Variants in MTURN observed in about 807,000 individuals in gnomAD.
The protein encoded by MTURN is maturin, neural progenitor differentiation regulator homolog, also known as maturin.
Under a neutral mutation model 14.9 loss-of-function variants are expected in MTURN, and 7 were observed. That is an observed-to-expected ratio of 0.47 (90% CI 0.27 to 0.88). The LOEUF is 0.88. Ranked by LOEUF, MTURN falls within the 40% of genes least tolerant of loss-of-function variation. The probability of loss-of-function intolerance (pLI) is 0.14; values close to 1 mark genes in which losing one functional copy is unlikely to be tolerated. For synonymous variants in MTURN, 69 were observed against 72.5 expected (o/e 0.95, Z 0.25); for missense variants, 151 against 174.1 (o/e 0.87, Z 0.75).
At position 30,135,127 on chromosome 7, in the gene MTURN, C is replaced by G; in HGVS notation, c.-10C>G. On this transcript the variant is annotated 5_prime_UTR_variant, in exon 1 of 3. Coordinates refer to ENST00000324453, the MANE Select transcript of MTURN (RefSeq NM_152793.3). Reference sequence around the variant, plus strand: ...GGCGGGCGGCGGCGGGAGGCGGGCGCGGGGCCGCGATGGATTTCCAGCAGC... The same window carrying G: ...GGCGGGCGGCGGCGGGAGGCGGGCGGGGGGCCGCGATGGATTTCCAGCAGC... The G allele has an allele frequency of 7.0e-7, 1 of 1,433,226 alleles. No homozygotes were observed. The highest frequency in any genetic ancestry group is 9.2e-7 in the Non-Finnish European group (1 of 1,082,618). 88.8% of individuals were successfully genotyped at this position (1,433,226 alleles called of 1,614,324 possible). A position where few individuals can be genotyped will look rare whatever the true frequency, so the allele number is the denominator to read the frequency against.
intron 1 of MTURN, among the ~76,000 whole-genome samples, chr7:30,139,537 G>A (rs908108107): frequency 3.3e-5 from 5 of 152,160 alleles, no homozygotes; most frequent in Admixed American, 2.6e-4. Context: ...CATTGAGGTA[G>A]ATATTATTAT....
chr7:30,160,503 A>G lies in MTURN; in HGVS notation c.*2955A>G, dbSNP rs574657425. 9 of 152,438 alleles carry G rather than the reference A, an allele frequency of 5.9e-5. No homozygotes were observed. The highest frequency in any genetic ancestry group is 1.4e-4 in the African/African-American group (6 of 41,588). 9.4% of individuals were successfully genotyped at this position (152,438 alleles called of 1,614,324 possible). Reference sequence around the variant, plus strand: ...AAGAATAGCTGGAAGAAAGTGAAAGATGAGTGCCAGTACTTTTGGCCTGTT... The same window carrying G: ...AAGAATAGCTGGAAGAAAGTGAAAGGTGAGTGCCAGTACTTTTGGCCTGTT... On this transcript the variant is annotated 3_prime_UTR_variant, in exon 3 of 3. Coordinates refer to ENST00000324453, the MANE Select transcript of MTURN (RefSeq NM_152793.3).
rs529297436 is a variant in MTURN, at chr7:30,161,712, C to T, written c.*4164C>T. On this transcript the variant is annotated 3_prime_UTR_variant, in exon 3 of 3. Transcript: ENST00000324453. ...AGCGATCACAGACCCCTCTCCCCTG[C>T]AGTGGGTGTTAGCTCCAAAGAGATG... 2 of 152,350 alleles carry T rather than the reference C, an allele frequency of 1.3e-5. No homozygotes were observed. The highest frequency in any genetic ancestry group is 2.9e-5 in the Non-Finnish European group (2 of 68,044). The allele number at this position is 152,350 out of a possible 1,614,324, so 9.4% of individuals were successfully genotyped here.
chr7:30,139,981 G>C (rs1797023683), intron 1 of MTURN, among the ~76,000 whole-genome samples: 1 of 152,066 alleles, frequency 6.6e-6, no homozygotes, highest in Non-Finnish European at 1.5e-5. Flanking sequence ...CTGGTCAGAG[G>C]GGTCCAAGGA....
intron 1 of MTURN, among the ~76,000 whole-genome samples, chr7:30,136,252 C>T (rs1008980648): frequency 4.6e-5 from 7 of 152,234 alleles, no homozygotes; most frequent in African/African-American, 1.7e-4. Context: ...CCTGCACCCA[C>T]CTGGGATCCC....
At position 30,135,071 on chromosome 7, in the gene MTURN, C is replaced by T. The variant is rs1796920626; in HGVS notation, c.-66C>T. On this transcript the variant is annotated 5_prime_UTR_variant, in exon 1 of 3. Coordinates refer to ENST00000324453, the MANE Select transcript of MTURN (RefSeq NM_152793.3). ...AGGCCGAGCCGAGCGCCGCGCTGCC[C>T]GCCCGGGAGGAGGGCGCCTAGGAGC... The T allele has an allele frequency of 1.6e-6, 2 of 1,238,436 alleles. No homozygotes were observed. The highest frequency in any genetic ancestry group is 1.6e-5 in the African/African-American group (1 of 61,036). The allele number at this position is 1,238,436 out of a possible 1,614,324, so 76.7% of individuals were successfully genotyped here. A position where few individuals can be genotyped will look rare whatever the true frequency, so the allele number is the denominator to read the frequency against.
At chr7:30,150,894 G>T (rs1428600832) in intron 2 of MTURN, among the ~76,000 whole-genome samples, 1 of 152,180 alleles carries the variant, frequency 6.6e-6, no homozygotes, top group Non-Finnish European at 1.5e-5. Context: ...TGGCCTCAGT[G>T]TCCCCAGCTT....
At chr7:30,135,414 ACCCGCGC>A (rs962933888) in intron 1 of MTURN, 116 bp downstream of exon 1, 34 of 884,334 alleles carry the variant, frequency 3.8e-5, no homozygotes, top group South Asian at 2.1e-4. Context: ...GGGGGCCGTA[ACCCGCGC>A]CCCGCGCCCC....
At chr7:30,137,542 T>G in intron 1 of MTURN, 1 of 454,878 alleles carries the variant, frequency 2.2e-6, no homozygotes, top group Non-Finnish European at 4.6e-6. Flanking sequence ...AACTGACAAT[T>G]TAAATAGAAT....
intron 1 of MTURN, among the ~76,000 whole-genome samples, chr7:30,138,501 T>G (rs984503410): frequency 6.6e-6 from 1 of 152,124 alleles, no homozygotes; most frequent in African/African-American, 2.4e-5. Context: ...GTATCTAAAG[T>G]AGGGGCAGCT....
Position 30,135,252 on chromosome 7 carries a change from T to C in MTURN, c.116T>C (p.Val39Ala). The C allele has an allele frequency of 6.6e-7, 1 of 1,518,890 alleles. No homozygotes were observed. Among genetic ancestry groups the C allele is most frequent in the South Asian group, 1.2e-5 (1 of 83,012 alleles). The allele number at this position is 1,518,890 out of a possible 1,614,324, so 94.1% of individuals were successfully genotyped here. ...ATGGATTTCTACGCCGACCCCGGCG[T>C]CTCCTTCTATGTGCTGTGTCCGGAC... is the stretch of plus-strand genomic sequence containing the variant. ...RRMDFYADPGVSFYVLCPDNG... is the reference protein window; with the variant it reads ...RRMDFYADPGASFYVLCPDNG... Residue 39 changes from valine to alanine, a missense_variant, in exon 1 of 3, where the codon GTC becomes GCC. Transcript: ENST00000324453.
intron 1 of MTURN, among the ~76,000 whole-genome samples, chr7:30,136,501 G>A (rs1796964125): frequency 6.6e-6 from 1 of 152,218 alleles, no homozygotes; most frequent in African/African-American, 2.4e-5. Flanking sequence ...GGGAGACAAA[G>A]CTGGGCCGTG....
At chr7:30,156,718 A>G (rs1476538180) in intron 2 of MTURN, among the ~76,000 whole-genome samples, 1 of 151,860 alleles carries the variant, frequency 6.6e-6, no homozygotes, top group Non-Finnish European at 1.5e-5. Flanking sequence ...CCAGCTACTC[A>G]GGAGGTTGAG....
At chr7:30,144,260 TGTG>T (rs1287882818) in intron 1 of MTURN, among the ~76,000 whole-genome samples, 1 of 152,272 alleles carries the variant, frequency 6.6e-6, no homozygotes, top group Non-Finnish European at 1.5e-5. Context: ...GTTTTTGAAA[TGTG>T]GTGGTAGATG....
intron 2 of MTURN, among the ~76,000 whole-genome samples, chr7:30,152,286 T>A (rs1341804625): frequency 6.6e-6 from 1 of 152,076 alleles, no homozygotes; most frequent in Non-Finnish European, 1.5e-5. Flanking sequence ...CCTTTTTTCC[T>A]TAGGGTCAAG....
At chr7:30,156,611 G>GATCACAA in intron 2 of MTURN, among the ~76,000 whole-genome samples, 1 of 152,300 alleles carries the variant, frequency 6.6e-6, no homozygotes, top group South Asian at 2.1e-4. Flanking sequence ...CAGATCACAA[G>GATCACAA]GTCAGAAGAT....
chr7:30,150,060 T>C (rs992935716), intron 2 of MTURN, among the ~76,000 whole-genome samples: 18 of 152,258 alleles, frequency 1.2e-4, no homozygotes, highest in African/African-American at 4.3e-4. Context: ...TTGCTGGCTG[T>C]GTGACCTTAG....
At chr7:30,135,966 C>T (rs1796948319) in intron 1 of MTURN, among the ~76,000 whole-genome samples, 1 of 147,700 alleles carries the variant, frequency 6.8e-6, no homozygotes, top group African/African-American at 2.5e-5. Context: ...GCGCATACAC[C>T]CCAACACACA....
rs936908245 is a variant in MTURN, at chr7:30,157,751, G to A, written c.*203G>A. 2.5e-5 allele frequency: 8 copies of A among 319,584 alleles called. No homozygotes were observed. Among genetic ancestry groups the A allele is most frequent in the Admixed American group, 5.1e-5 (1 of 19,466 alleles). 19.8% of individuals were successfully genotyped at this position (319,584 alleles called of 1,614,324 possible). ...CAGAAGTGACCTGAATTTCACTCCC[G>A]CTTCAGTGGGGTTTCTATGGAGTTG... On this transcript the variant is annotated 3_prime_UTR_variant, in exon 3 of 3. Coordinates refer to ENST00000324453, the MANE Select transcript of MTURN (RefSeq NM_152793.3).
Sources: gnomAD v4.1 joint callset for allele counts (sites outside exome capture counted in the v4.1 genomes callset) on GRCh38, gnomAD v4.1.1 for gene constraint, MANE v1.5 for transcripts, NCBI Gene and HGNC (gene_info 2026-07-23, HGNC 2026-07-21) for gene names.